CA10: variants seen among roughly 807,000 people sequenced by gnomAD.
CA10 encodes carbonic anhydrase 10 (inactive), also known as carbonic anhydrase-related protein 10.
A neutral mutation model predicts 44.2 loss-of-function variants in CA10; 14 were observed. The observed-to-expected ratio is 0.32, with a 90% CI of 0.21 to 0.50. The LOEUF is 0.50. CA10 is among the 20% of genes least tolerant of loss of function. The pLI, the probability that CA10 is intolerant of heterozygous loss-of-function variation, is 0.99. For synonymous variants in CA10, 159 were observed against 141.6 expected, an observed-to-expected ratio of 1.12 and a Z score of -0.87; for missense variants, 350 against 409.7, an observed-to-expected ratio of 0.85 and a Z score of 1.26.
At chr17:52,052,414 T>C (rs932547303) in intron 2 of CA10, among the ~76,000 whole-genome samples, 1 of 151,850 alleles carries the variant, frequency 6.6e-6, no homozygotes, top group Non-Finnish European at 1.5e-5. Context: ...TAAACCAGTT[T>C]GGTATGAAAA....
intron 2 of CA10, among the ~76,000 whole-genome samples, chr17:51,964,219 T>C (rs1165444094): frequency 6.6e-6 from 1 of 151,912 alleles, no homozygotes; most frequent in Non-Finnish European, 1.5e-5. Context: ...GCCTTTACTA[T>C]CCTAAATATA....
At chr17:51,746,269 C>T (rs567680154) in intron 4 of CA10, among the ~76,000 whole-genome samples, 44 of 152,322 alleles carry the variant, frequency 2.9e-4, no homozygotes, top group African/African-American at 1.0e-3. Flanking sequence ...CCTGCTTTGT[C>T]ATTGTTGTTT....
chr17:51,789,311 C>T (rs1231831513), intron 3 of CA10, among the ~76,000 whole-genome samples: 1 of 152,172 alleles, frequency 6.6e-6, no homozygotes. Context: ...CCACCGTGCC[C>T]GGCCCAATTA....
At chr17:51,966,541 G>A (rs763448361) in intron 2 of CA10, among the ~76,000 whole-genome samples, 1 of 151,400 alleles carries the variant, frequency 6.6e-6, no homozygotes. Context: ...TAGAGACCCA[G>A]ATATAAGCCA....
At chr17:52,016,207 T>TAGCC (rs1985963223) in intron 2 of CA10, among the ~76,000 whole-genome samples, 1 of 152,114 alleles carries the variant, frequency 6.6e-6, no homozygotes, top group South Asian at 2.1e-4. Flanking sequence ...GAGTGCTTTG[T>TAGCC]AGCCATCCTT....
At chr17:51,945,909 A>G (rs1983255721) in intron 2 of CA10, among the ~76,000 whole-genome samples, 1 of 152,144 alleles carries the variant, frequency 6.6e-6, no homozygotes, top group African/African-American at 2.4e-5. Flanking sequence ...AAAGGTGGGA[A>G]TGATGATAGA....
chr17:51,965,096 T>A (rs1186646440), intron 2 of CA10, among the ~76,000 whole-genome samples: 1 of 151,722 alleles, frequency 6.6e-6, no homozygotes, highest in East Asian at 1.9e-4. Context: ...ATGAAAAAGA[T>A]CCTCAGAGAG....
chr17:52,027,028 C>T (rs753179262), intron 2 of CA10, among the ~76,000 whole-genome samples: 1 of 152,034 alleles, frequency 6.6e-6, no homozygotes, highest in African/African-American at 2.4e-5. Context: ...TATACAACCT[C>T]ACCATAATGT....
At chr17:51,706,940 C>A (rs74768035) in intron 4 of CA10, among the ~76,000 whole-genome samples, 5,027 of 152,236 alleles carry the variant, frequency 0.033, 306 homozygotes, top group African/African-American at 0.11. Context: ...GCAATCCCCA[C>A]CCCACACTGG....
intron 2 of CA10, among the ~76,000 whole-genome samples, chr17:51,975,666 G>T (rs1237070875): frequency 2.0e-5 from 3 of 150,576 alleles, no homozygotes; most frequent in Non-Finnish European, 4.4e-5. Context: ...GCGACATTGT[G>T]AGACTGTCTC....
Position 51,634,716 on chromosome 17 carries a change from C to A in CA10, c.790-1066G>T, listed in dbSNP as rs962400462. ...AACACTGCACATTCAAATATGTGTGCAAAATACTACATATCATACCACTTC... is the reference window on the plus strand; with the variant it reads ...AACACTGCACATTCAAATATGTGTGAAAAATACTACATATCATACCACTTC... On this transcript the variant is annotated intron_variant, in intron 7 of 8. Transcript: ENST00000451037. 3.3e-5 allele frequency among the ~76,000 whole-genome samples: 5 copies of A among 152,168 alleles called. 1 individual carries two copies. Among genetic ancestry groups the A allele is most frequent in the Non-Finnish European group, 7.3e-5 (5 of 68,032 alleles).
intron 2 of CA10, among the ~76,000 whole-genome samples, chr17:52,007,247 CTCT>C (rs1985631934): frequency 6.6e-6 from 1 of 151,438 alleles, no homozygotes; most frequent in African/African-American, 2.4e-5. Context: ...TTATATTCTT[CTCT>C]TTTCTTTCCA....
chr17:52,027,796 G>C (rs1253722914), intron 2 of CA10, among the ~76,000 whole-genome samples: 1 of 152,116 alleles, frequency 6.6e-6, no homozygotes, highest in Non-Finnish European at 1.5e-5. Context: ...TTTCAGATGA[G>C]AAAGCTGTGA....
intron 5 of CA10, among the ~76,000 whole-genome samples, chr17:51,653,003 A>AT (rs67259214): frequency 0.71 from 107,023 of 151,240 alleles, 38,344 homozygotes; most frequent in Non-Finnish European, 0.75. Flanking sequence ...GGTAATTAGT[A>AT]TTTTTTTTTA....
intron 1 of CA10, among the ~76,000 whole-genome samples, chr17:52,084,012 A>C (rs941177828): frequency 1.3e-5 from 2 of 152,184 alleles, no homozygotes; most frequent in Non-Finnish European, 2.9e-5. Flanking sequence ...GTGGAAGAAA[A>C]AAGATAGCCC....
At chr17:51,935,001 T>C (rs1266861817) in intron 2 of CA10, among the ~76,000 whole-genome samples, 2 of 152,100 alleles carry the variant, frequency 1.3e-5, no homozygotes, top group East Asian at 1.9e-4. Flanking sequence ...CCACTTTACA[T>C]GCAGAGCAAG....
At chr17:51,846,853 G>A (rs1201766731) in intron 3 of CA10, among the ~76,000 whole-genome samples, 2 of 152,186 alleles carry the variant, frequency 1.3e-5, no homozygotes, top group South Asian at 2.1e-4. Context: ...GCTGTTTTGC[G>A]ATCATGCCCT....
intron 2 of CA10, among the ~76,000 whole-genome samples, chr17:52,033,679 A>T (rs1458031303): frequency 6.6e-6 from 1 of 152,184 alleles, no homozygotes; most frequent in Non-Finnish European, 1.5e-5. Flanking sequence ...TCTATAAGAT[A>T]CCATAACAAT....
chr17:51,724,714 A>T (rs769121767), intron 4 of CA10, among the ~76,000 whole-genome samples: 7 of 152,214 alleles, frequency 4.6e-5, no homozygotes, highest in Non-Finnish European at 8.8e-5. Context: ...CTGAAAATAC[A>T]ATGTAAAAGA....
Sources: allele counts gnomAD v4.1 joint callset (sites outside exome capture counted in the v4.1 genomes callset), GRCh38; gene constraint gnomAD v4.1.1; transcripts MANE v1.5; gene names NCBI Gene and HGNC (gene_info 2026-07-23, HGNC 2026-07-21).